Variants in GBE1 observed in about 807,000 individuals in gnomAD.
GBE1 encodes the protein 1,4-alpha-glucan-branching enzyme.
In GBE1, 70 loss-of-function variants were observed where a neutral mutation model predicts 88.8. The ratio of observed to expected loss-of-function variants is 0.79; its 90% CI spans 0.65 to 0.96. The LOEUF is 0.96. Among genes scored for constraint, GBE1 ranks in the 40% least tolerant of loss-of-function variants. The pLI is 0.00. For missense variants in GBE1, 872 were observed against 871.0 expected (o/e 1.00, Z -0.01); for synonymous variants, 284 against 300.1 (o/e 0.95, Z 0.56).
chr3:81,592,898 AG>A (rs1243177381), intron 8 of GBE1, among the ~76,000 whole-genome samples: 1 of 152,204 alleles, frequency 6.6e-6, no homozygotes, highest in African/African-American at 2.4e-5. Context: ...CTTCTTTCCC[AG>A]GAACATTTCA....
intron 1 of GBE1, among the ~76,000 whole-genome samples, chr3:81,712,298 T>C (rs1158745070): frequency 2.0e-5 from 3 of 152,206 alleles, no homozygotes; most frequent in African/African-American, 7.2e-5. Context: ...CATCCCATTA[T>C]TGGGTATGTA....
Position 81,646,394 on chromosome 3 carries a change from G to A in GBE1, c.780C>T (p.Ser260=). Residue 260 remains serine (S), a splice_region_variant and synonymous_variant, in exon 6 of 16, where the codon TCC becomes TCT. Coordinates refer to ENST00000429644, the MANE Select transcript of GBE1 (RefSeq NM_000158.4). ...ACACAATGAGTCTCTGATTTTACCT[G>A]GAAGCTGCAAAGAAGCTTGTGATTT... ...GYQITSFFAA[S]SRYGTPEELQ... 6.3e-7 allele frequency: 1 copy of A among 1,577,558 alleles called. No individual in the cohort carries two copies. Among genetic ancestry groups the A allele is most frequent in the Non-Finnish European group, 8.6e-7 (1 of 1,158,366 alleles).
chr3:81,677,386 T>C (rs1705276265), intron 2 of GBE1, among the ~76,000 whole-genome samples: 1 of 152,152 alleles, frequency 6.6e-6, no homozygotes, highest in South Asian at 2.1e-4. Flanking sequence ...AAGGATATCC[T>C]CGGGTCAAAA....
chr3:81,624,353 G>T (rs957740061), intron 7 of GBE1, among the ~76,000 whole-genome samples: 3 of 152,128 alleles, frequency 2.0e-5, no homozygotes, highest in Non-Finnish European at 4.4e-5. Flanking sequence ...TGAGATCTGG[G>T]TGAGGACACA....
At chr3:81,544,917 G>T (rs879671886) in intron 12 of GBE1, among the ~76,000 whole-genome samples, 1 of 152,052 alleles carries the variant, frequency 6.6e-6, no homozygotes, top group African/African-American at 2.4e-5. Flanking sequence ...TCTGTAAACT[G>T]TAATGCATAC....
intron 9 of GBE1, among the ~76,000 whole-genome samples, chr3:81,590,016 G>A (rs905505932): frequency 6.6e-6 from 1 of 151,860 alleles, no homozygotes; most frequent in Non-Finnish European, 1.5e-5. Flanking sequence ...ATATAAGAAC[G>A]AATTTCAGGA....
chr3:81,629,026 T>TG (rs1451405270), intron 7 of GBE1, among the ~76,000 whole-genome samples: 2 of 143,662 alleles, frequency 1.4e-5, no homozygotes, highest in African/African-American at 2.6e-5. Context: ...AAGTTTTTTT[T>TG]TTTTTTTTTT....
chr3:81,734,347 TACCTTCTTTTC>T (rs1201711883), intron 1 of GBE1, among the ~76,000 whole-genome samples: 1 of 152,196 alleles, frequency 6.6e-6, no homozygotes, highest in East Asian at 1.9e-4. Context: ...TCAAAGCAAG[TACCTTCTTTTC>T]AAATTACTAT....
At chr3:81,705,925 C>G (rs954821101) in intron 1 of GBE1, among the ~76,000 whole-genome samples, 3 of 152,080 alleles carry the variant, frequency 2.0e-5, no homozygotes, top group Non-Finnish European at 4.4e-5. Context: ...CATGTCAAGA[C>G]AGTGTAATGG....
intron 1 of GBE1, among the ~76,000 whole-genome samples, chr3:81,742,321 T>C (rs1194861222): frequency 6.6e-6 from 1 of 152,106 alleles, no homozygotes; most frequent in African/African-American, 2.4e-5. Context: ...CTTATTCTAG[T>C]GTGAATACTG....
At chr3:81,693,855 G>T (rs1306028501) in intron 2 of GBE1, among the ~76,000 whole-genome samples, 1 of 151,878 alleles carries the variant, frequency 6.6e-6, no homozygotes, top group African/African-American at 2.4e-5. Flanking sequence ...AACAGAGTAA[G>T]CACCTTATTT....
Position 81,622,625 on chromosome 3 carries a change from G to A in GBE1, c.992+20156C>T, listed in dbSNP as rs138573825. ...CCTACTCAATATTTCCACTTACATA[G>A]CAAACATGCATCTCGCACTTGTGAT... On this transcript the variant is annotated intron_variant, in intron 7 of 15. Coordinates refer to ENST00000429644, the MANE Select transcript of GBE1 (RefSeq NM_000158.4). Among the ~76,000 whole-genome samples the A allele has an allele frequency of 4.0e-4, 61 of 152,250 alleles. 1 individual carries two copies. The highest frequency in any genetic ancestry group is 1.2e-3 in the African/African-American group (49 of 41,540).
chr3:81,740,653 C>G (rs537987262), intron 1 of GBE1, among the ~76,000 whole-genome samples: 1 of 152,114 alleles, frequency 6.6e-6, no homozygotes, highest in South Asian at 2.1e-4. Flanking sequence ...ATTTTGCTGT[C>G]TTTCTCCAAC....
intron 12 of GBE1, among the ~76,000 whole-genome samples, chr3:81,574,435 C>T (rs866428384): frequency 1.5e-4 from 23 of 152,232 alleles, no homozygotes; most frequent in Middle Eastern, 6.8e-3. Flanking sequence ...TATCACTGAG[C>T]CGATGAAGGC....
At chr3:81,524,160 G>A (rs889066831) in intron 14 of GBE1, among the ~76,000 whole-genome samples, 1 of 151,726 alleles carries the variant, frequency 6.6e-6, no homozygotes, top group Non-Finnish European at 1.5e-5. Flanking sequence ...CACCAGGATC[G>A]TTACTGCCTG....
chr3:81,509,182 G>A (rs956388849), intron 14 of GBE1, among the ~76,000 whole-genome samples: 4 of 150,362 alleles, frequency 2.7e-5, no homozygotes, highest in Non-Finnish European at 5.9e-5. Context: ...CTTTCTCTGT[G>A]TCTTTGTTCT....
At chr3:81,493,470 AACC>A (rs1318711751) in intron 15 of GBE1, among the ~76,000 whole-genome samples, 2 of 152,072 alleles carry the variant, frequency 1.3e-5, no homozygotes, top group African/African-American at 4.8e-5. Flanking sequence ...GATAATTTAG[AACC>A]AGTCTTACTC....
Position 81,653,801 on chromosome 3 carries a change from A to G in GBE1, c.430-3880T>C, listed in dbSNP as rs1296558405. ...TATTTTAAAAGATATAAAAATATCA[A>G]TATGGTTACCTATGGGTAAGGGGAT... On this transcript the variant is annotated intron_variant, in intron 3 of 15. Coordinates refer to ENST00000429644, the MANE Select transcript of GBE1 (RefSeq NM_000158.4). 2.0e-5 allele frequency among the ~76,000 whole-genome samples: 3 copies of G among 152,196 alleles called. No homozygotes were observed. The East Asian group carries it at 5.8e-4, about 29-fold the overall frequency.
intron 14 of GBE1, among the ~76,000 whole-genome samples, chr3:81,531,764 C>T (rs191977105): frequency 2.0e-5 from 3 of 152,040 alleles, no homozygotes; most frequent in African/African-American, 7.2e-5. Context: ...TCCACTGGCT[C>T]TAAGCCCAGT....
Sources: gnomAD v4.1 joint callset for allele counts (sites outside exome capture counted in the v4.1 genomes callset) on GRCh38, gnomAD v4.1.1 for gene constraint, MANE v1.5 for transcripts, NCBI Gene and HGNC (gene_info 2026-07-23, HGNC 2026-07-21) for gene names.